FLRT1: variants seen among roughly 807,000 people sequenced by gnomAD.
FLRT1 encodes fibronectin leucine rich transmembrane protein 1.
A neutral mutation model predicts 30.9 loss-of-function variants in FLRT1; 14 were observed. The ratio of observed to expected loss-of-function variants is 0.45; its 90% CI spans 0.30 to 0.71. FLRT1 has a LOEUF of 0.71. Among genes scored for constraint, FLRT1 ranks in the 30% least tolerant of loss-of-function variants. The probability of loss-of-function intolerance (pLI) is 0.08; values close to 1 mark genes in which losing one functional copy is unlikely to be tolerated. For missense variants in FLRT1, 737 were observed against 949.2 expected, an observed-to-expected ratio of 0.78 and a Z score of 2.94; for synonymous variants, 368 against 430.4, an observed-to-expected ratio of 0.85 and a Z score of 1.80.
intron 1 of FLRT1, among the ~76,000 whole-genome samples, chr11:64,060,837 A>C (rs1283326329): frequency 1.3e-5 from 2 of 152,068 alleles, no homozygotes; most frequent in Non-Finnish European, 2.9e-5. Flanking sequence ...CGGGTCCCGG[A>C]GCCGGCGGGT....
At chr11:64,055,186 G>A in intron 1 of FLRT1, among the ~76,000 whole-genome samples, 1 of 152,236 alleles carries the variant, frequency 6.6e-6, no homozygotes, top group Non-Finnish European at 1.5e-5. Flanking sequence ...CTGGCATGGA[G>A]CCCAGCCTGC....
intron 2 of FLRT1, among the ~76,000 whole-genome samples, chr11:64,106,674 G>C (rs1944768166): frequency 6.6e-6 from 1 of 152,132 alleles, no homozygotes; most frequent in Admixed American, 6.5e-5. Flanking sequence ...TGGTCACACT[G>C]CTCCTCTCCA....
At chr11:64,070,401 G>C (rs1765610366) in intron 1 of FLRT1, among the ~76,000 whole-genome samples, 1 of 152,206 alleles carries the variant, frequency 6.6e-6, no homozygotes, top group Non-Finnish European at 1.5e-5. Flanking sequence ...ATAAAATAGA[G>C]CCGGCCACGC....
chr11:64,063,458 C>T (rs973561594), intron 1 of FLRT1, among the ~76,000 whole-genome samples: 6 of 152,144 alleles, frequency 3.9e-5, no homozygotes, highest in African/African-American at 1.4e-4. Flanking sequence ...GCGAATTGTG[C>T]TTTTCTTGAA....
At chr11:64,045,789 C>T (rs1294880855) in intron 1 of FLRT1, among the ~76,000 whole-genome samples, 1 of 152,146 alleles carries the variant, frequency 6.6e-6, no homozygotes, top group African/African-American at 2.4e-5. Flanking sequence ...TCAGAACTAA[C>T]AATAATAGTA....
chr11:64,038,940 G>A (rs905653068), intron 1 of FLRT1, among the ~76,000 whole-genome samples: 5 of 152,216 alleles, frequency 3.3e-5, no homozygotes, highest in Non-Finnish European at 7.3e-5. Context: ...CACCCACGTT[G>A]AGAGGATGCG....
rs1014052405 is a variant in FLRT1 at position 64,064,686 on chromosome 11, G to A, written c.-1038+28527G>A. On this transcript the variant is annotated intron_variant, in intron 1 of 2. Transcript: ENST00000682287. The surrounding 1 kb of genome is among the most constrained non-coding windows in gnomAD (Gnocchi z 4.5). ...GACATTAAACGGCACCGAGATAGAAGGAGGGGGGCCCTCCCTGAGTTCTCC... is the reference window on the plus strand; with the variant it reads ...GACATTAAACGGCACCGAGATAGAAAGAGGGGGGCCCTCCCTGAGTTCTCC... 1.3e-5 allele frequency among the ~76,000 whole-genome samples: 2 copies of A among 149,236 alleles called. No individual in the cohort carries two copies. Among genetic ancestry groups the A allele is most frequent in the South Asian group, 2.3e-4 (1 of 4,390 alleles).
chr11:64,054,616 C>T (rs139114692), intron 1 of FLRT1, among the ~76,000 whole-genome samples: 32 of 152,244 alleles, frequency 2.1e-4, no homozygotes, highest in African/African-American at 4.8e-4. Context: ...CCTGGGCCTC[C>T]GTTTCCTCAT....
intron 1 of FLRT1, among the ~76,000 whole-genome samples, chr11:64,041,033 AATTAAAACTGGG>A (rs780873973): frequency 1.5e-4 from 23 of 151,918 alleles, no homozygotes; most frequent in African/African-American, 4.6e-4. Flanking sequence ...GCTTATACTT[AATTAAAACTGGG>A]ATTAAAACTG....
intron 1 of FLRT1, among the ~76,000 whole-genome samples, chr11:64,047,913 AAAGG>A (rs1943615575): frequency 6.6e-6 from 1 of 151,664 alleles, no homozygotes; most frequent in East Asian, 1.9e-4. Context: ...AAAAAAAAAA[AAAGG>A]AAGGAAGCAG....
chr11:64,094,555 G>A (rs939513374), intron 1 of FLRT1, among the ~76,000 whole-genome samples: 3 of 152,222 alleles, frequency 2.0e-5, no homozygotes, highest in Admixed American at 6.5e-5. Flanking sequence ...TGGAGTGAAG[G>A]CCTCCTGAGT....
At position 64,116,639 on chromosome 11, in the gene FLRT1, C is replaced by A. The variant is rs142276831; in HGVS notation, c.372C>A (p.Asn124Lys). ...YENDLDEFPINLPRSLRELHL... is the reference protein window; with the variant it reads ...YENDLDEFPIKLPRSLRELHL... ...ATGACCTGGATGAGTTCCCCATCAA[C>A]CTGCCCCGCTCCCTCCGGGAGCTGC... The change falls in exon 3 of 3, where the codon AAC (asparagine) becomes AAA (lysine). Residue 124 changes from asparagine to lysine, a missense_variant. Coordinates refer to ENST00000682287, the MANE Select transcript of FLRT1 (RefSeq NM_013280.5). 1.2e-6 allele frequency: 2 copies of A among 1,614,062 alleles called. No homozygotes were observed. Among genetic ancestry groups the A allele is most frequent in the Non-Finnish European group, 1.7e-6 (2 of 1,180,036 alleles).
At chr11:64,087,186 T>A (rs1400310036) in intron 1 of FLRT1, 1 of 152,078 alleles carries the variant, frequency 6.6e-6, no homozygotes, top group Non-Finnish European at 1.5e-5. Flanking sequence ...TTCAGTGAGG[T>A]CTCCGATTCT....
chr11:64,117,350 G>C lies in FLRT1; in HGVS notation c.1083G>C (p.Glu361Asp), dbSNP rs1290451105. ...GGGGCCTCATGTGCCAGGGCCCTGA[G>C]AAGGTCCGGGGCATGGCCATCAAGG... ...NVRGLMCQGP[E>D]KVRGMAIKDI... The change falls in exon 3 of 3, where the codon GAG (glutamate) becomes GAC (aspartate). Residue 361 changes from glutamate (E) to aspartate (D), a missense_variant. Coordinates refer to ENST00000682287, the MANE Select transcript of FLRT1 (RefSeq NM_013280.5). The C allele has an allele frequency of 1.2e-6, 2 of 1,613,916 alleles. No homozygotes were observed. Among genetic ancestry groups the C allele is most frequent in the Non-Finnish European group, 1.7e-6 (2 of 1,179,880 alleles).
At chr11:64,084,369 G>T (rs1380877391) in intron 1 of FLRT1, among the ~76,000 whole-genome samples, 1 of 152,092 alleles carries the variant, frequency 6.6e-6, no homozygotes, top group Non-Finnish European at 1.5e-5. Flanking sequence ...CTCTGCCCAC[G>T]TGCATTTCCT....
chr11:64,078,515 C>T (rs1369522233), intron 1 of FLRT1, among the ~76,000 whole-genome samples: 2 of 152,188 alleles, frequency 1.3e-5, no homozygotes, highest in African/African-American at 2.4e-5. Context: ...CTTGCAGCAT[C>T]GGAGGGATAC....
At chr11:64,100,626 G>T (rs902913061) in intron 1 of FLRT1, among the ~76,000 whole-genome samples, 1 of 152,178 alleles carries the variant, frequency 6.6e-6, no homozygotes, top group East Asian at 1.9e-4. Context: ...GCCTCCTTTG[G>T]TTCAGTGAAT....
chr11:64,051,534 C>T lies in FLRT1; in HGVS notation c.-1038+15375C>T, dbSNP rs531274343. On this transcript the variant is annotated intron_variant, in intron 1 of 2. Transcript: ENST00000682287. ...GCTCCTGGGCGGCAGAGCTGTCGGCCGGGCAGGCTAACAGCTGTTTGTGCA... is the reference window on the plus strand; with the variant it reads ...GCTCCTGGGCGGCAGAGCTGTCGGCTGGGCAGGCTAACAGCTGTTTGTGCA... Among the ~76,000 whole-genome samples, 44 of 152,308 alleles carry T rather than the reference C, an allele frequency of 2.9e-4. 1 individual carries two copies. Among genetic ancestry groups the T allele is most frequent in the African/African-American group, 8.9e-4 (37 of 41,572 alleles).
chr11:64,100,686 C>A (rs981460288), intron 1 of FLRT1, among the ~76,000 whole-genome samples: 2 of 152,212 alleles, frequency 1.3e-5, no homozygotes, highest in Non-Finnish European at 2.9e-5. Context: ...AGGGAAGAGC[C>A]ACAGTGCTGC....
Sources: allele counts gnomAD v4.1 joint callset (sites outside exome capture counted in the v4.1 genomes callset), GRCh38; gene constraint gnomAD v4.1.1; non-coding constraint Gnocchi (gnomAD v3.1); transcripts MANE v1.5; gene names NCBI Gene and HGNC (gene_info 2026-07-23, HGNC 2026-07-21).